The following BLZF1 variants were observed in gnomAD, a reference collection of about 807,000 sequenced individuals.
BLZF1 encodes the protein golgin-45.
Under a neutral mutation model 43.8 loss-of-function variants are expected in BLZF1, and 39 were observed. The observed-to-expected ratio is 0.89, with a 90% CI of 0.69 to 1.16. The LOEUF (loss-of-function observed/expected upper bound fraction) is 1.16. Ranked by LOEUF, BLZF1 falls within the 50% of genes most tolerant of loss-of-function variation. The pLI is 0.00. For synonymous variants in BLZF1, 136 were observed against 159.4 expected, an observed-to-expected ratio of 0.85 and a Z score of 1.11; for missense variants, 449 against 469.8, an observed-to-expected ratio of 0.96 and a Z score of 0.41.
intron 2 of BLZF1, among the ~76,000 whole-genome samples, chr1:169,374,301 C>A (rs1654222190): frequency 6.6e-6 from 1 of 151,944 alleles, no homozygotes; most frequent in African/African-American, 2.4e-5. Context: ...GTGGGAGGAT[C>A]ACCTGAGCCC....
rs1313205223 is a variant in BLZF1 at position 169,387,229 on chromosome 1, G to A, written c.*47G>A. ...GCTAAGGTACTTCCTTATTACCCAA[G>A]AGTCATTATTATTTGGGAGCTGGGG... On this transcript the variant is annotated 3_prime_UTR_variant, in exon 7 of 7. Transcript: ENST00000367808. 2 of 1,536,008 alleles carry A rather than the reference G, an allele frequency of 1.3e-6. No individual in the cohort carries two copies. Among genetic ancestry groups the A allele is most frequent in the Non-Finnish European group, 1.8e-6 (2 of 1,132,796 alleles).
At position 169,387,202 on chromosome 1, in the gene BLZF1, A is replaced by ATGC. The variant is rs1414565119; in HGVS notation, c.*22_*24dup. On this transcript the variant is annotated 3_prime_UTR_variant, in exon 7 of 7. Coordinates refer to ENST00000367808, the MANE Select transcript of BLZF1 (RefSeq NM_001320973.2). Reference sequence around the variant, plus strand: ...CTTTAACAGTCAATATGTTGGAGGCATGCTAAGGTACTTCCTTATTACCCA... The same window carrying ATGC: ...CTTTAACAGTCAATATGTTGGAGGCATGCTGCTAAGGTACTTCCTTATTACCCA... 1.2e-6 allele frequency: 2 copies of ATGC among 1,601,946 alleles called. No homozygotes were observed. The highest frequency in any genetic ancestry group is 4.5e-5 in the East Asian group (2 of 44,628).
At chr1:169,377,320 G>A (rs529583462) in intron 3 of BLZF1, 20 of 267,760 alleles carry the variant, frequency 7.5e-5, no homozygotes, top group African/African-American at 2.7e-4. Context: ...TTAAGGATCC[G>A]TAAATTCCAA....
intron 4 of BLZF1, among the ~76,000 whole-genome samples, chr1:169,380,066 C>CT (rs1378783546): frequency 2.6e-5 from 4 of 151,688 alleles, no homozygotes; most frequent in Non-Finnish European, 5.9e-5. Flanking sequence ...TTATATAAAT[C>CT]TTTTTATATT....
rs777353060 is a variant in BLZF1 at position 169,395,095 on chromosome 1, T to C, written c.*28-799T>C. The C allele has an allele frequency of 2.5e-6, 4 of 1,612,892 alleles. No homozygotes were observed. In the Admixed American group the frequency reaches 5.0e-5, roughly 20 times the overall value. Reference sequence around the variant, plus strand: ...GAAAAGGTTTGGCTTCTGACATATATAGGTGGTGCTGTAACTGTTTAGAAC... The same window carrying C: ...GAAAAGGTTTGGCTTCTGACATATACAGGTGGTGCTGTAACTGTTTAGAAC... On this transcript the variant is annotated intron_variant, in intron 7 of 7. Coordinates refer to the BLZF1 transcript ENST00000329281.
At chr1:169,370,517 C>T (rs528416628) in intron 2 of BLZF1, among the ~76,000 whole-genome samples, 1 of 152,200 alleles carries the variant, frequency 6.6e-6, no homozygotes, top group East Asian at 1.9e-4. Flanking sequence ...CTTTCACTGT[C>T]CAATGCGGTA....
chr1:169,389,798 G>T (rs547358579), downstream of BLZF1, among the ~76,000 whole-genome samples: 4 of 152,316 alleles, frequency 2.6e-5, no homozygotes, highest in East Asian at 5.8e-4. Context: ...ATGCTACAAT[G>T]TAGATGAACC....
Position 169,376,838 on chromosome 1 carries a change from C to G in BLZF1, c.327C>G (p.Phe109Leu). 6.2e-7 allele frequency: 1 copy of G among 1,613,300 alleles called. No individual in the cohort carries two copies. Among genetic ancestry groups the G allele is most frequent in the Non-Finnish European group, 8.5e-7 (1 of 1,179,544 alleles). The change falls in exon 3 of 7, where the codon TTC (phenylalanine) becomes TTG (leucine). Residue 109 changes from phenylalanine (F) to leucine (L), a missense_variant. Transcript: ENST00000367808. ...CTCTGGGACATCATAAAGGAGAATT[C>G]CTTGGTCAGTCAGAGGGAGTTATAG... The part of the protein sequence containing the change: ...VKSLGHHKGE[F>L]LGQSEGVIEP...
intron 6 of BLZF1, 109 bp from the exon 7 acceptor site, chr1:169,386,888 A>G (rs999209801): frequency 8.7e-6 from 6 of 691,334 alleles, no homozygotes; most frequent in Non-Finnish European, 1.4e-5. Context: ...TTTTAGTAAT[A>G]GTTATATATT....
chr1:169,380,540 C>T lies in BLZF1; in HGVS notation c.728C>T (p.Ala243Val). 6.2e-7 allele frequency: 1 copy of T among 1,612,716 alleles called. No individual in the cohort carries two copies. Among genetic ancestry groups the T allele is most frequent in the Non-Finnish European group, 8.5e-7 (1 of 1,178,984 alleles). Reference sequence around the variant, plus strand: ...GCTTTACAGCGTCAAAACCGTGATGCACACGGGGCTATACAAGATCTCCTA... The same window carrying T: ...GCTTTACAGCGTCAAAACCGTGATGTACACGGGGCTATACAAGATCTCCTA... The part of the protein sequence containing the change: ...RAALQRQNRD[A>V]HGAIQDLLSE... The change falls in exon 5 of 7, where the codon GCA becomes GTA. Residue 243 changes from alanine (A) to valine (V), a missense_variant. By Grantham distance (64) the Ala-to-Val change is moderately conservative (BLOSUM62 0). Transcript: ENST00000367808.
chr1:169,387,158 C>A lies in BLZF1; in HGVS notation c.1179C>A (p.Cys393Ter), dbSNP rs746930700. The change falls in exon 7 of 7, where the codon TGC (cysteine) becomes TGA (stop). Residue 393 changes from cysteine to a stop codon, truncating the protein, a stop_gained. Transcript: ENST00000367808. LOFTEE classifies it high-confidence loss of function. ...TAACTTTCAATTGCTGCAATCACTGCCGGGGAGAACTGATTGCCCTTTAAC... is the reference window on the plus strand; with the variant it reads ...TAACTTTCAATTGCTGCAATCACTGACGGGGAGAACTGATTGCCCTTTAAC... ...ENITFNCCNH[C>*]RGELIAL The A allele has an allele frequency of 5.0e-6, 8 of 1,613,092 alleles. No individual in the cohort carries two copies. The South Asian group carries it at 8.8e-5, about 18-fold the overall frequency.
chr1:169,381,933 T>A, intron 5 of BLZF1, 129 bp from the exon 6 acceptor site: 2 of 728,892 alleles, frequency 2.7e-6, no homozygotes. Context: ...TTTATGGAAC[T>A]CTGAGAGAGA....
downstream of BLZF1, among the ~76,000 whole-genome samples, chr1:169,392,451 A>G (rs193124410): frequency 6.6e-6 from 1 of 152,334 alleles, no homozygotes; most frequent in East Asian, 1.9e-4. Flanking sequence ...CCATACATCT[A>G]TGGCCAACTG....
At chr1:169,368,644 G>A (rs1653989686) in intron 1 of BLZF1, among the ~76,000 whole-genome samples, 1 of 152,200 alleles carries the variant, frequency 6.6e-6, no homozygotes, top group South Asian at 2.1e-4. Flanking sequence ...CAGCTATCAA[G>A]GGCAGTTTCA....
At position 169,387,025 on chromosome 1, in the gene BLZF1, G is replaced by T. The variant is rs775447641; in HGVS notation, c.1046G>T (p.Cys349Phe). Residue 349 changes from cysteine (C) to phenylalanine (F), a missense_variant, in exon 7 of 7, where the codon TGC becomes TTC. Coordinates refer to ENST00000367808, the MANE Select transcript of BLZF1 (RefSeq NM_001320973.2). ...CTAAGAATTTTAGATCCAGTTACCT[G>T]CAAAGAGAGTTCACCTGATAATCCA... ...TVLRILDPVT[C>F]KESSPDNPFF... 2 of 1,611,124 alleles carry T rather than the reference G, an allele frequency of 1.2e-6. No individual in the cohort carries two copies. Among genetic ancestry groups the T allele is most frequent in the Non-Finnish European group, 1.7e-6 (2 of 1,178,734 alleles).
At chr1:169,368,575 C>G (rs922085945) in intron 1 of BLZF1, among the ~76,000 whole-genome samples, 15 of 152,174 alleles carry the variant, frequency 9.9e-5, no homozygotes, top group Admixed American at 7.2e-4. Context: ...TTCTTCACCC[C>G]CTCCGCTTCA....
rs142091756 is a variant in BLZF1 at position 169,376,843 on chromosome 1, G to C, written c.332G>C (p.Gly111Ala). 2.0e-4 allele frequency: 322 copies of C among 1,613,312 alleles called. No homozygotes were observed. In the Middle Eastern group the frequency reaches 2.3e-3, roughly 12 times the overall value. The change falls in exon 3 of 7, where the codon GGT (glycine) becomes GCT (alanine). Residue 111 changes from glycine (G) to alanine (A), a missense_variant. Transcript: ENST00000367808. ...GGACATCATAAAGGAGAATTCCTTG[G>C]TCAGTCAGAGGGAGTTATAGAACCT... ...SLGHHKGEFLGQSEGVIEPNK... is the reference protein window; with the variant it reads ...SLGHHKGEFLAQSEGVIEPNK...
intron 6 of BLZF1, among the ~76,000 whole-genome samples, chr1:169,382,749 C>T (rs1351738929): frequency 6.6e-6 from 1 of 152,186 alleles, no homozygotes; most frequent in African/African-American, 2.4e-5. Context: ...ATACTCATCT[C>T]ACATGTCTGT....
chr1:169,380,221 C>A (rs1248377157), intron 4 of BLZF1, among the ~76,000 whole-genome samples: 3 of 151,772 alleles, frequency 2.0e-5, no homozygotes. Context: ...GAGATGTACT[C>A]CAAAAGTCAT....
Sources: gnomAD v4.1 joint callset for allele counts (sites outside exome capture counted in the v4.1 genomes callset) on GRCh38, gnomAD v4.1.1 for gene constraint, MANE v1.5 for transcripts, NCBI Gene and HGNC (gene_info 2026-07-23, HGNC 2026-07-21) for gene names.